CSMD1: variants seen among roughly 807,000 people sequenced by gnomAD.
CSMD1 encodes CUB and sushi domain-containing protein 1.
In CSMD1, 213 loss-of-function variants were observed where a neutral mutation model predicts 417.5. That is an observed-to-expected ratio of 0.51 (90% confidence interval 0.46 to 0.57). The LOEUF is 0.57. Among genes scored for constraint, CSMD1 ranks in the 20% least tolerant of loss-of-function variants. The pLI, the probability that CSMD1 is intolerant of heterozygous loss-of-function variation, is 0.00. For missense variants in CSMD1, 6,923 were observed against 4,529.7 expected (o/e 1.53, Z -15.17); for synonymous variants, 2,862 against 1,736.8 (o/e 1.65, Z -16.11).
chr8:3,474,301 G>A (rs1340395454), intron 11 of CSMD1, among the ~76,000 whole-genome samples: 1 of 151,718 alleles, frequency 6.6e-6, no homozygotes. Flanking sequence ...TACAAATGCA[G>A]GACAATAAAC....
At chr8:4,630,096 A>AC (rs1332801093) in intron 2 of CSMD1, among the ~76,000 whole-genome samples, 1 of 152,132 alleles carries the variant, frequency 6.6e-6, no homozygotes, top group African/African-American at 2.4e-5. Context: ...CGCAAAACAC[A>AC]CCACCACAGC....
rs149649806 is a variant in CSMD1, at chr8:4,467,450, G to A, written c.303-47385C>T. Among the ~76,000 whole-genome samples, 389 of 152,136 alleles carry A rather than the reference G, an allele frequency of 2.6e-3. 1 individual carries two copies. The highest frequency in any genetic ancestry group is 8.2e-3 in the African/African-American group (341 of 41,444). ...TACCAAGCAGACATCCTTCTAAACC[G>A]TTAATCTTGGCTGTCTTTGTGCCAC... On this transcript the variant is annotated intron_variant, in intron 2 of 69. Coordinates refer to ENST00000635120, the MANE Select transcript of CSMD1 (RefSeq NM_033225.6).
chr8:3,867,098 TTTGA>T (rs1448661361), intron 5 of CSMD1, among the ~76,000 whole-genome samples: 8 of 152,332 alleles, frequency 5.3e-5, no homozygotes, highest in East Asian at 1.9e-4. Flanking sequence ...TTGTAACCAT[TTTGA>T]TTGATTGATT....
chr8:4,170,922 T>C (rs1168741772), intron 3 of CSMD1, among the ~76,000 whole-genome samples: 2 of 151,906 alleles, frequency 1.3e-5, no homozygotes, highest in African/African-American at 2.4e-5. Context: ...CTTATTCCAA[T>C]GCCTGTACAA....
chr8:3,580,057 T>C (rs113373599), intron 9 of CSMD1, among the ~76,000 whole-genome samples: 4,703 of 151,996 alleles, frequency 0.031, 242 homozygotes, highest in African/African-American at 0.1. Context: ...CGAGCCAAGA[T>C]AGCACCACTG....
chr8:3,444,951 T>C (rs904582485), intron 12 of CSMD1, among the ~76,000 whole-genome samples: 1 of 152,134 alleles, frequency 6.6e-6, no homozygotes, highest in Non-Finnish European at 1.5e-5. Flanking sequence ...AAAACACCAC[T>C]AGCTATGAAG....
chr8:4,186,342 G>A (rs1440628649), intron 3 of CSMD1, among the ~76,000 whole-genome samples: 1 of 152,074 alleles, frequency 6.6e-6, no homozygotes, highest in Non-Finnish European at 1.5e-5. Context: ...TCATGGCCCA[G>A]CCCTGGGCTG....
intron 1 of CSMD1, among the ~76,000 whole-genome samples, chr8:4,816,451 C>T (rs758063829): frequency 1.3e-4 from 20 of 152,110 alleles, no homozygotes; most frequent in Non-Finnish European, 2.5e-4. Context: ...TCGTCCCAAA[C>T]TCCTGACCTC....
chr8:4,390,804 G>A (rs963329299), intron 3 of CSMD1, among the ~76,000 whole-genome samples: 4 of 152,016 alleles, frequency 2.6e-5, no homozygotes, highest in South Asian at 4.1e-4. Flanking sequence ...GCCTCCCAAA[G>A]TGCTGGGATT....
chr8:4,686,608 C>T (rs573290268), intron 1 of CSMD1, among the ~76,000 whole-genome samples: 5 of 152,364 alleles, frequency 3.3e-5, no homozygotes, highest in African/African-American at 7.2e-5. Flanking sequence ...CACGTCCCGA[C>T]GTCTGGCTAC....
At chr8:4,615,067 C>T (rs1450694483) in intron 2 of CSMD1, among the ~76,000 whole-genome samples, 1 of 152,040 alleles carries the variant, frequency 6.6e-6, no homozygotes, top group Admixed American at 6.6e-5. Flanking sequence ...CTATTTGTCT[C>T]AGATCTACAA....
intron 1 of CSMD1, among the ~76,000 whole-genome samples, chr8:4,641,193 G>GTTT (rs922980533): frequency 6.6e-6 from 1 of 151,736 alleles, no homozygotes; most frequent in African/African-American, 2.4e-5. Context: ...GCATACAGAT[G>GTTT]TTTTTGCTGC....
At chr8:4,696,810 T>C (rs1563162425) in intron 1 of CSMD1, among the ~76,000 whole-genome samples, 1 of 152,202 alleles carries the variant, frequency 6.6e-6, no homozygotes, top group East Asian at 1.9e-4. Context: ...ACAAATTTAT[T>C]AAATTTCATT....
intron 5 of CSMD1, among the ~76,000 whole-genome samples, chr8:3,927,971 A>G (rs1342009267): frequency 6.6e-6 from 1 of 152,142 alleles, no homozygotes; most frequent in Non-Finnish European, 1.5e-5. Context: ...CATTTAACAT[A>G]ATTTTTATAT....
Position 3,434,896 on chromosome 8 carries a change from A to T in CSMD1, c.1562-25291T>A, listed in dbSNP as rs540776328. 2.6e-4 allele frequency among the ~76,000 whole-genome samples: 40 copies of T among 152,366 alleles called. 1 individual carries two copies. Among genetic ancestry groups the T allele is most frequent in the Middle Eastern group, 3.4e-3 (1 of 294 alleles). Reference sequence around the variant, plus strand: ...AGTTAATGCAGGAAATATCGGGAATACTTGTGATTGGTTTAAGTCAACTAT... The same window carrying T: ...AGTTAATGCAGGAAATATCGGGAATTCTTGTGATTGGTTTAAGTCAACTAT... On this transcript the variant is annotated intron_variant, in intron 12 of 69. Transcript: ENST00000635120.
intron 26 of CSMD1, among the ~76,000 whole-genome samples, chr8:3,241,025 C>G (rs1799464960): frequency 6.7e-6 from 1 of 148,672 alleles, no homozygotes; most frequent in African/African-American, 2.5e-5. Context: ...TGATCGGTCA[C>G]CAAGGAGGGA....
rs570162642 is a variant in CSMD1 at position 4,845,842 on chromosome 8, G to C, written c.85+148490C>G. Among the ~76,000 whole-genome samples, 6 of 152,310 alleles carry C rather than the reference G, an allele frequency of 3.9e-5. No individual in the cohort carries two copies. The South Asian group carries it at 1.2e-3, about 32-fold the overall frequency. On this transcript the variant is annotated intron_variant, in intron 1 of 69. Coordinates refer to ENST00000635120, the MANE Select transcript of CSMD1 (RefSeq NM_033225.6). ...CACATCAGAAATTTACATACGATTTGTAGCTGAATTTTTCCCACTACCTAA... is the reference window on the plus strand; with the variant it reads ...CACATCAGAAATTTACATACGATTTCTAGCTGAATTTTTCCCACTACCTAA...
At position 4,761,904 on chromosome 8, in the gene CSMD1, T is replaced by TATCA. The variant is rs1335589353; in HGVS notation, c.86-124347_86-124346insTGAT. Among the ~76,000 whole-genome samples the TATCA allele has an allele frequency of 8.6e-3, 780 of 90,192 alleles. 5 individuals are homozygous for TATCA. The highest frequency in any genetic ancestry group is 0.041 in the East Asian group (105 of 2,586). The allele number at this position is 90,192 out of a possible 152,430, so 59.2% of individuals were successfully genotyped here. ...CTATCTATCTACCTACCTATCTATC[T>TATCA]ATCTATCAATCTATCTATCTATCTA... is the stretch of plus-strand genomic sequence containing the variant. On this transcript the variant is annotated intron_variant, in intron 1 of 69. Coordinates refer to ENST00000635120, the MANE Select transcript of CSMD1 (RefSeq NM_033225.6).
chr8:3,551,756 A>T, intron 10 of CSMD1, among the ~76,000 whole-genome samples: 1 of 152,142 alleles, frequency 6.6e-6, no homozygotes, highest in Non-Finnish European at 1.5e-5. Context: ...AAAGTCCGTG[A>T]CAAGCTGCGA....
Sources: allele counts gnomAD v4.1 joint callset (sites outside exome capture counted in the v4.1 genomes callset), GRCh38; gene constraint gnomAD v4.1.1; transcripts MANE v1.5; gene names NCBI Gene and HGNC (gene_info 2026-07-23, HGNC 2026-07-21).